The following NRG3 variants were observed in gnomAD, a reference collection of about 807,000 sequenced individuals.
NRG3 encodes the protein neuregulin 3, also known as pro-neuregulin-3, membrane-bound isoform.
A neutral mutation model predicts 66.9 loss-of-function variants in NRG3; 31 were observed. That is an observed-to-expected ratio of 0.46 (90% confidence interval 0.35 to 0.63). The LOEUF is 0.63. Among genes scored for constraint, NRG3 ranks in the 20% least tolerant of loss-of-function variants. NRG3 has a pLI of 0.00. For synonymous variants in NRG3, 393 were observed against 359.4 expected (o/e 1.09, Z -1.06); for missense variants, 910 against 878.9 (o/e 1.04, Z -0.45).
At chr10:82,221,578 G>GA (rs889697883) in intron 1 of NRG3, among the ~76,000 whole-genome samples, 4 of 151,818 alleles carry the variant, frequency 2.6e-5, no homozygotes, top group African/African-American at 9.7e-5. Flanking sequence ...CATCAAAGCA[G>GA]AAAAAAATCA....
chr10:82,102,504 AT>A (rs199704145), intron 1 of NRG3, among the ~76,000 whole-genome samples: 39 of 148,502 alleles, frequency 2.6e-4, no homozygotes, highest in East Asian at 2.0e-4. Context: ...TATTAGTTAG[AT>A]TTTTTTTCCC....
chr10:82,060,063 G>A (rs1314072433), intron 1 of NRG3, among the ~76,000 whole-genome samples: 2 of 152,086 alleles, frequency 1.3e-5, no homozygotes, highest in Non-Finnish European at 2.9e-5. Context: ...TTGTTGTGAA[G>A]GATACAATTA....
chr10:82,249,821 A>G (rs1355271012), intron 1 of NRG3, among the ~76,000 whole-genome samples: 1 of 152,206 alleles, frequency 6.6e-6, no homozygotes, highest in Admixed American at 6.5e-5. Context: ...TTTCTATCAC[A>G]TTTGGCTTAG....
At chr10:82,491,077 A>G (rs1043939293) in intron 2 of NRG3, among the ~76,000 whole-genome samples, 7 of 151,490 alleles carry the variant, frequency 4.6e-5, no homozygotes, top group Admixed American at 4.6e-4. Flanking sequence ...TACACCCATC[A>G]TACCATCACA....
At position 82,670,548 on chromosome 10, in the gene NRG3, C is replaced by T. The variant is rs534822482; in HGVS notation, c.954-68029C>T. On this transcript the variant is annotated intron_variant, in intron 2 of 8. Transcript: ENST00000372141. ...TTTATCAAACCTGTAGGAAGATTCTCTCATGACCACCATGTTATTTCAGGC... is the reference window on the plus strand; with the variant it reads ...TTTATCAAACCTGTAGGAAGATTCTTTCATGACCACCATGTTATTTCAGGC... 4.6e-5 allele frequency among the ~76,000 whole-genome samples: 7 copies of T among 152,256 alleles called. No individual in the cohort carries two copies. In the South Asian group the frequency reaches 1.5e-3, roughly 32 times the overall value.
chr10:82,850,710 G>C (rs1363934216), intron 3 of NRG3, among the ~76,000 whole-genome samples: 15 of 96,264 alleles, frequency 1.6e-4, no homozygotes, highest in Admixed American at 6.7e-4. Context: ...AATTTTTTAA[G>C]AGCAAAAAAA....
intron 1 of NRG3, among the ~76,000 whole-genome samples, chr10:82,345,565 A>G (rs2082958841): frequency 1.3e-5 from 2 of 151,336 alleles, no homozygotes; most frequent in African/African-American, 2.4e-5. Flanking sequence ...TTGGTTCCAT[A>G]TGAACTTTAA....
intron 1 of NRG3, among the ~76,000 whole-genome samples, chr10:82,000,980 A>G (rs574673905): frequency 2.0e-5 from 3 of 152,298 alleles, no homozygotes; most frequent in South Asian, 4.1e-4. Context: ...CAAACATTGT[A>G]TGGAAATTCC....
intron 1 of NRG3, among the ~76,000 whole-genome samples, chr10:82,108,918 A>G (rs569442318): frequency 6.6e-6 from 1 of 152,288 alleles, no homozygotes; most frequent in South Asian, 2.1e-4. Context: ...AATTCCTGCT[A>G]TATGAGCAAC....
rs766616609 is a variant in NRG3 at position 82,985,893 on chromosome 10, A to G, written c.*288A>G. ...CTCTTAGAAGATGTGGGCAATTCAG[A>G]CCCTTGGCCCCACAGTGCCAGTGTC... On this transcript the variant is annotated 3_prime_UTR_variant, in exon 9 of 9. Coordinates refer to ENST00000372141, the MANE Select transcript of NRG3 (RefSeq NM_001010848.4). The G allele has an allele frequency of 3.6e-6, 1 of 274,106 alleles. No homozygotes were observed. Among genetic ancestry groups the G allele is most frequent in the Non-Finnish European group, 6.8e-6 (1 of 146,608 alleles). The allele number at this position is 274,106 out of a possible 1,614,324, so 17.0% of individuals were successfully genotyped here. A position where few individuals can be genotyped will look rare whatever the true frequency, so the allele number is the denominator to read the frequency against.
intron 2 of NRG3, among the ~76,000 whole-genome samples, chr10:82,383,004 C>G (rs143869177): frequency 1.3e-5 from 2 of 151,996 alleles, no homozygotes; most frequent in East Asian, 3.9e-4. Context: ...CTTATTAAAG[C>G]TTTATTACAT....
chr10:82,443,141 A>T (rs1404776089), intron 2 of NRG3, among the ~76,000 whole-genome samples: 1 of 152,126 alleles, frequency 6.6e-6, no homozygotes, highest in East Asian at 1.9e-4. Context: ...TAGAGGAGTA[A>T]GAAAGAAGGG....
intron 3 of NRG3, among the ~76,000 whole-genome samples, chr10:82,740,876 A>C (rs545862917): frequency 6.6e-6 from 1 of 152,042 alleles, no homozygotes; most frequent in Non-Finnish European, 1.5e-5. Context: ...TGTTTCTATT[A>C]AGTGAAACTG....
intron 4 of NRG3, among the ~76,000 whole-genome samples, chr10:82,902,410 A>G (rs1470302397): frequency 1.3e-5 from 2 of 152,126 alleles, no homozygotes; most frequent in African/African-American, 2.4e-5. Context: ...TTAACATTCT[A>G]TATTAAAGAA....
At chr10:82,930,575 T>G (rs150542514) in intron 4 of NRG3, among the ~76,000 whole-genome samples, 92 of 152,244 alleles carry the variant, frequency 6.0e-4, no homozygotes, top group East Asian at 5.4e-3. Context: ...GAACACATGG[T>G]CTTAATTTCT....
At chr10:82,763,512 A>G (rs542740748) in intron 3 of NRG3, among the ~76,000 whole-genome samples, 15 of 152,332 alleles carry the variant, frequency 9.8e-5, no homozygotes, top group African/African-American at 3.4e-4. Context: ...AAAGAAAAAT[A>G]AAATTTAAAA....
chr10:81,956,735 T>C (rs1357312853), intron 1 of NRG3, among the ~76,000 whole-genome samples: 3 of 152,168 alleles, frequency 2.0e-5, no homozygotes, highest in South Asian at 2.1e-4. Flanking sequence ...ATTGATTCTT[T>C]AGAAACGTTC....
chr10:81,940,451 T>C (rs1033699552), intron 1 of NRG3, among the ~76,000 whole-genome samples: 3 of 152,094 alleles, frequency 2.0e-5, no homozygotes, highest in African/African-American at 7.2e-5. Flanking sequence ...GCTCAAACTA[T>C]CCTCCTGCCT....
chr10:82,552,525 G>A (rs547539125), intron 2 of NRG3, among the ~76,000 whole-genome samples: 92 of 152,152 alleles, frequency 6.0e-4, no homozygotes, highest in Middle Eastern at 6.8e-3. Flanking sequence ...ATTATTCAGC[G>A]TAATGCTCCC....
Sources: allele counts gnomAD v4.1 joint callset (sites outside exome capture counted in the v4.1 genomes callset), GRCh38; gene constraint gnomAD v4.1.1; transcripts MANE v1.5; gene names NCBI Gene and HGNC (gene_info 2026-07-23, HGNC 2026-07-21).